The following FAT3 variants were observed in gnomAD, a reference collection of about 807,000 sequenced individuals.
The protein encoded by FAT3 is protocadherin Fat 3.
In FAT3, 95 loss-of-function variants were observed where a neutral mutation model predicts 310.2. The observed-to-expected ratio is 0.31, with a 90% confidence interval of 0.26 to 0.36. The LOEUF is 0.36. Ranked by LOEUF, FAT3 falls within the 10% of genes least tolerant of loss-of-function variation. The probability of loss-of-function intolerance (pLI) is 1.00; values close to 1 mark genes in which losing one functional copy is unlikely to be tolerated. For missense variants in FAT3, 5,408 were observed against 5,715.6 expected (o/e 0.95, Z 1.74); for synonymous variants, 2,314 against 2,192.9 (o/e 1.06, Z -1.54).
chr11:92,632,748 T>C (rs913264826), intron 3 of FAT3, among the ~76,000 whole-genome samples: 4 of 152,174 alleles, frequency 2.6e-5, no homozygotes, highest in African/African-American at 9.6e-5. Flanking sequence ...CAGAGAGGCA[T>C]TGATGGAATT....
intron 7 of FAT3, 67 bp from the exon 8 acceptor site, chr11:92,789,876 G>T (rs1354639154): frequency 8.5e-6 from 13 of 1,530,534 alleles, no homozygotes; most frequent in Non-Finnish European, 1.2e-5. Context: ...AAAAGAGGGA[G>T]GGCATACTTT....
intron 2 of FAT3, among the ~76,000 whole-genome samples, chr11:92,495,556 A>G (rs1952728789): frequency 6.6e-6 from 1 of 152,080 alleles, no homozygotes; most frequent in Non-Finnish European, 1.5e-5. Context: ...GCAACCATTG[A>G]TCAGCTTTGA....
intron 3 of FAT3, among the ~76,000 whole-genome samples, chr11:92,540,378 A>G (rs982561995): frequency 3.9e-5 from 6 of 152,170 alleles, no homozygotes; most frequent in African/African-American, 1.4e-4. Flanking sequence ...GATTGATTGC[A>G]CTGGTGAAGT....
chr11:92,778,635 A>G (rs1259010768), intron 7 of FAT3, among the ~76,000 whole-genome samples: 1 of 152,162 alleles, frequency 6.6e-6, no homozygotes, highest in African/African-American at 2.4e-5. Flanking sequence ...AAAGTCCATA[A>G]TTTTCATCAG....
chr11:92,883,134 G>GCCCCCGCAGGTCCCCGTGCGC lies in FAT3; in HGVS notation c.12682_12702dup (p.Pro4228_Pro4234dup), dbSNP rs769352139. The GCCCCCGCAGGTCCCCGTGCGC allele has an allele frequency of 5.0e-6, 8 of 1,613,690 alleles. No homozygotes were observed. Among genetic ancestry groups the GCCCCCGCAGGTCCCCGTGCGC allele is most frequent in the Non-Finnish European group, 6.8e-6 (8 of 1,179,866 alleles). On this transcript the variant is annotated inframe_insertion, in exon 24 of 28. Transcript: ENST00000525166. This position sits in a 1 kb window ranked among gnomAD's most constrained non-coding sequence, Gnocchi z 4.2. The stretch of plus-strand genomic sequence containing the variant: ...GCCGCAACGTCTACCAGGAGGTGGG[G>GCCCCCGCAGGTCCCCGTGCGC]CCCCCGCAGGTCCCCGTGCGCCCCA...
intron 1 of FAT3, among the ~76,000 whole-genome samples, chr11:92,286,438 C>T (rs1371757535): frequency 6.6e-6 from 1 of 152,122 alleles, no homozygotes; most frequent in East Asian, 1.9e-4. Flanking sequence ...GGAATGACTC[C>T]AACTTATCCC....
intron 4 of FAT3, among the ~76,000 whole-genome samples, chr11:92,756,790 G>A (rs997620448): frequency 2.6e-5 from 4 of 152,034 alleles, no homozygotes; most frequent in East Asian, 1.9e-4. Context: ...TTGGTCCTAC[G>A]AAGCTCTTGT....
chr11:92,302,742 A>G (rs192807821), intron 1 of FAT3, among the ~76,000 whole-genome samples: 3 of 152,274 alleles, frequency 2.0e-5, no homozygotes, highest in South Asian at 2.1e-4. Context: ...CACTGTTTTT[A>G]TTAATCATTT....
chr11:92,317,583 A>G (rs1280304054), intron 1 of FAT3, among the ~76,000 whole-genome samples: 1 of 152,198 alleles, frequency 6.6e-6, no homozygotes, highest in Non-Finnish European at 1.5e-5. Context: ...AGTGAAGTCT[A>G]TTGCAGGTAT....
At position 92,578,386 on chromosome 11, in the gene FAT3, AC is replaced by A. The variant is rs548888232; in HGVS notation, c.3607+53439del. On this transcript the variant is annotated intron_variant, in intron 3 of 27. Coordinates refer to ENST00000525166, the MANE Select transcript of FAT3 (RefSeq NM_001367949.2). ...ATACCCAGTTTGGAAACACTAGTGT[AC>A]TCCCTACTTGACCCTGTGGGTCATG... 5.5e-3 allele frequency among the ~76,000 whole-genome samples: 843 copies of A among 152,100 alleles called. 5 individuals are homozygous for A. The highest frequency in any genetic ancestry group is 0.019 in the African/African-American group (800 of 41,498).
At position 92,805,329 on chromosome 11, in the gene FAT3, A is replaced by G. The variant is rs750842432; in HGVS notation, c.9073A>G (p.Asn3025Asp). ...AGTGAGCGTCAGTGATGTGAATGAC[A>G]ATAGCCCAGTGTGTGATCAGGTGAG... ...VEVSVSDVND[N>D]SPVCDQVAYT... The change falls in exon 11 of 28, where the codon AAT becomes GAT. Residue 3025 changes from asparagine to aspartate, a missense_variant. Asn to Asp is a conservative substitution (Grantham distance 23, BLOSUM62 1). This residue lies in a region of FAT3 where 4,588 missense variants were observed against 4,809.8 expected (regional missense o/e 0.95). Transcript: ENST00000525166. 6.2e-7 allele frequency: 1 copy of G among 1,613,576 alleles called. No individual in the cohort carries two copies. Among genetic ancestry groups the G allele is most frequent in the East Asian group, 2.2e-5 (1 of 44,818 alleles).
chr11:92,442,105 A>ATTTTTTTTTTTTT (rs1565320166), intron 2 of FAT3, among the ~76,000 whole-genome samples: 2 of 20,358 alleles, frequency 9.8e-5, no homozygotes, highest in African/African-American at 3.4e-4. Flanking sequence ...ATATATATAT[A>ATTTTTTTTTTTTT]TATATATTTT....
chr11:92,856,643 C>T (rs924833236), intron 19 of FAT3, among the ~76,000 whole-genome samples: 3 of 152,134 alleles, frequency 2.0e-5, no homozygotes, highest in African/African-American at 7.2e-5. Context: ...GGCACATTTA[C>T]AGCTAATCAA....
chr11:92,480,385 T>C (rs939025534), intron 2 of FAT3, among the ~76,000 whole-genome samples: 21 of 152,150 alleles, frequency 1.4e-4, no homozygotes, highest in African/African-American at 4.6e-4. Flanking sequence ...TCTGTGTACC[T>C]CAAATTATGG....
intron 2 of FAT3, among the ~76,000 whole-genome samples, chr11:92,405,139 A>G (rs1341776654): frequency 6.6e-6 from 1 of 151,922 alleles, no homozygotes; most frequent in Non-Finnish European, 1.5e-5. Flanking sequence ...ATACCACCCT[A>G]TCCTGTGTTC....
At chr11:92,466,798 G>A (rs1204891406) in intron 2 of FAT3, among the ~76,000 whole-genome samples, 1 of 135,922 alleles carries the variant, frequency 7.4e-6, no homozygotes, top group Non-Finnish European at 1.5e-5. Context: ...TGTTCTCATT[G>A]TTCAATTCCC....
At chr11:92,264,331 A>G (rs1162571993) in intron 1 of FAT3, among the ~76,000 whole-genome samples, 1 of 152,074 alleles carries the variant, frequency 6.6e-6, no homozygotes, top group East Asian at 1.9e-4. Context: ...GTTTCAGGAG[A>G]GTAGGGGCTA....
At chr11:92,550,322 CTGCT>C (rs780624666) in intron 3 of FAT3, among the ~76,000 whole-genome samples, 6 of 152,132 alleles carry the variant, frequency 3.9e-5, no homozygotes, top group Non-Finnish European at 7.3e-5. Flanking sequence ...AGCCAGGAAG[CTGCT>C]CACTGTGATG....
chr11:92,501,161 G>A (rs1036897654), intron 2 of FAT3, among the ~76,000 whole-genome samples: 40 of 152,036 alleles, frequency 2.6e-4, no homozygotes, highest in African/African-American at 8.9e-4. Flanking sequence ...TGTACCTTTG[G>A]GACTGAACTC....
Sources: allele counts gnomAD v4.1 joint callset (sites outside exome capture counted in the v4.1 genomes callset), GRCh38; gene constraint gnomAD v4.1.1; regional missense constraint gnomAD v4.1.1; non-coding constraint Gnocchi (gnomAD v3.1); transcripts MANE v1.5; gene names NCBI Gene and HGNC (gene_info 2026-07-23, HGNC 2026-07-21).